Variants in MCCC1 observed in about 807,000 individuals in gnomAD.
The protein encoded by MCCC1 is methylcrotonoyl-CoA carboxylase subunit alpha, mitochondrial.
MCCC1 carries 64 observed loss-of-function variants against 83.8 expected under a neutral mutation model. The ratio of observed to expected loss-of-function variants is 0.76; its 90% CI spans 0.62 to 0.94. The LOEUF is 0.94. MCCC1 is among the 40% of genes least tolerant of loss of function. MCCC1 has a pLI of 0.00. For missense variants in MCCC1, 807 were observed against 904.7 expected, an observed-to-expected ratio of 0.89 and a Z score of 1.39; for synonymous variants, 322 against 315.4, an observed-to-expected ratio of 1.02 and a Z score of -0.22.
rs781286566 is a variant in MCCC1 at position 183,015,444 on chromosome 3, C to T, written c.2172G>A (p.Ser724=). ...FEEEESDKRE[S]E ...GCCATTTCCTTGCTGGAGTTTATTC[C>T]GATTCCCTTTTGTCTGATTCTTCCT... The change falls in exon 19 of 19, where the codon TCG becomes TCA. Residue 724 remains serine, a synonymous_variant. Coordinates refer to ENST00000265594, the MANE Select transcript of MCCC1 (RefSeq NM_020166.5). The T allele has an allele frequency of 2.2e-5, 36 of 1,614,014 alleles. No individual in the cohort carries two copies. Among genetic ancestry groups the T allele is most frequent in the Admixed American group, 1.2e-4 (7 of 59,990 alleles).
At chr3:183,106,844 T>C (rs1355397062) in intron 1 of MCCC1, among the ~76,000 whole-genome samples, 2 of 151,936 alleles carry the variant, frequency 1.3e-5, no homozygotes, top group African/African-American at 4.8e-5. Flanking sequence ...TCTCTCTCCC[T>C]CTCCTCATGC....
chr3:183,094,614 T>C lies in MCCC1; in HGVS notation c.90-9A>G. ...GCCTCCACACCCATGTCCTATAACA[T>C]AAATCCAAAAGGAATTACAATTAAA... On this transcript the variant is annotated splice_polypyrimidine_tract_variant and intron_variant, in intron 1 of 18. Transcript: ENST00000265594. 1 of 1,613,468 alleles carries C rather than the reference T, an allele frequency of 6.2e-7. No individual in the cohort carries two copies. The highest frequency in any genetic ancestry group is 8.5e-7 in the Non-Finnish European group (1 of 1,179,366).
intron 4 of MCCC1, among the ~76,000 whole-genome samples, chr3:183,079,968 G>A (rs1423761875): frequency 1.3e-5 from 2 of 152,148 alleles, no homozygotes; most frequent in Non-Finnish European, 2.9e-5. Context: ...ATCACAGCTG[G>A]AGCAGCTGGG....
chr3:183,053,314 C>A (rs1196069268), intron 8 of MCCC1, among the ~76,000 whole-genome samples: 1 of 151,798 alleles, frequency 6.6e-6, no homozygotes, highest in Non-Finnish European at 1.5e-5. Context: ...CATGGCGAGA[C>A]CCTGTCTCTA....
In MCCC1 at chr3:183,092,547, T is replaced by C. The variant is rs727504006; in HGVS notation, c.137-2A>G. 13 of 1,614,064 alleles carry C rather than the reference T, an allele frequency of 8.1e-6. No individual in the cohort carries two copies. Among genetic ancestry groups the C allele is most frequent in the Non-Finnish European group, 1.1e-5 (13 of 1,180,020 alleles). On this transcript the variant is annotated splice_acceptor_variant, in intron 2 of 18. Transcript: ENST00000265594. LOFTEE classifies it high-confidence loss of function. ...TGAGGACCTTGGTAATGTTTCTTCC[T>C]GTTTAAAACACCATGAAAATCACAC...
At chr3:183,022,628 C>A (rs1423454956) in intron 15 of MCCC1, 74 bp from the exon 16 acceptor site, 9 of 1,264,814 alleles carry the variant, frequency 7.1e-6, no homozygotes, top group African/African-American at 4.5e-5. Context: ...AGAATCAATT[C>A]TTCACTATTG....
In MCCC1 at chr3:183,057,394, G is replaced by A. The variant is rs1715502925; in HGVS notation, c.790C>T (p.His264Tyr). The A allele has an allele frequency of 3.1e-6, 5 of 1,608,982 alleles. No individual in the cohort carries two copies. The highest frequency in any genetic ancestry group is 3.4e-6 in the Non-Finnish European group (4 of 1,177,186). Reference sequence around the variant, plus strand: ...AACAAGTACACAGCATTGCCATGGTGATCACCAAACACCTGGACTTCTACA... The same window carrying A: ...AACAAGTACACAGCATTGCCATGGTAATCACCAAACACCTGGACTTCTACA... ...RHVEVQVFGD[H>Y]HGNAVYLFER... The change falls in exon 8 of 19, where the codon CAC becomes TAC. Residue 264 changes from histidine to tyrosine, a missense_variant. Transcript: ENST00000265594.
At position 183,025,774 on chromosome 3, in the gene MCCC1, T is replaced by C. The variant is rs373270326; in HGVS notation, c.1712A>G (p.Asp571Gly). 6.2e-7 allele frequency: 1 copy of C among 1,613,962 alleles called. No homozygotes were observed. Among genetic ancestry groups the C allele is most frequent in the East Asian group, 2.2e-5 (1 of 44,860 alleles). The change falls in exon 15 of 19, where the codon GAT becomes GGT. Residue 571 changes from aspartate to glycine, a missense_variant. Physicochemically the swap from Asp to Gly is moderately conservative, Grantham distance 94. Transcript: ENST00000265594. ...NVAIAVTYNH[D>G]GSYSMQIEDK... Reference sequence around the variant, plus strand: ...GCTTACCTGCATGCTATAAGACCCATCATGGTTATACGTTACAGCTATGGC... The same window carrying C: ...GCTTACCTGCATGCTATAAGACCCACCATGGTTATACGTTACAGCTATGGC...
chr3:183,104,816 G>T (rs915259485), intron 1 of MCCC1, among the ~76,000 whole-genome samples: 5 of 152,186 alleles, frequency 3.3e-5, no homozygotes, highest in Non-Finnish European at 5.9e-5. Context: ...TTAGTGAGGG[G>T]TGTGGGAATA....
intron 13 of MCCC1, 140 bp downstream of exon 13, chr3:183,037,078 C>A: frequency 1.2e-6 from 1 of 827,028 alleles, no homozygotes; most frequent in Non-Finnish European, 2.0e-6. Context: ...TTCCTTCATA[C>A]TAAAAAACAC....
At chr3:183,067,559 T>G (rs1716347087) in intron 7 of MCCC1, among the ~76,000 whole-genome samples, 2 of 152,226 alleles carry the variant, frequency 1.3e-5, no homozygotes, top group African/African-American at 4.8e-5. Context: ...TGTTATTAAA[T>G]TTTGGTCTCA....
intron 18 of MCCC1, chr3:183,016,957 A>C: frequency 2.4e-6 from 1 of 415,366 alleles, no homozygotes; most frequent in South Asian, 2.3e-5. Context: ...AAACACCAAC[A>C]GTTAACATTC....
intron 4 of MCCC1, among the ~76,000 whole-genome samples, chr3:183,082,405 T>C (rs1717576213): frequency 6.6e-6 from 1 of 152,228 alleles, no homozygotes. Flanking sequence ...CTGAGGGGAC[T>C]GAAGTATAAT....
intron 8 of MCCC1, among the ~76,000 whole-genome samples, chr3:183,055,367 G>A (rs1045732224): frequency 2.0e-5 from 3 of 152,078 alleles, no homozygotes; most frequent in Admixed American, 6.5e-5. Flanking sequence ...CTGAGATCGC[G>A]CCACTGCACT....
At chr3:183,060,452 A>C (rs1389845740) in intron 7 of MCCC1, among the ~76,000 whole-genome samples, 2 of 152,216 alleles carry the variant, frequency 1.3e-5, no homozygotes, top group Non-Finnish European at 2.9e-5. Flanking sequence ...TAAGTATAGG[A>C]AGCAGACAGA....
At chr3:183,044,513 C>T (rs1320975129) in intron 10 of MCCC1, among the ~76,000 whole-genome samples, 3 of 152,148 alleles carry the variant, frequency 2.0e-5, no homozygotes, top group African/African-American at 7.2e-5. Flanking sequence ...GCCATAAATC[C>T]GCACTTTACT....
intron 1 of MCCC1, among the ~76,000 whole-genome samples, chr3:183,110,949 A>G (rs1673059505): frequency 6.6e-6 from 1 of 152,158 alleles, no homozygotes; most frequent in South Asian, 2.1e-4. Context: ...AGATGATTGT[A>G]GGTATGCAGC....
chr3:183,092,605 G>A (rs1355216290), intron 2 of MCCC1, 60 bp from the exon 3 acceptor site: 4 of 1,604,900 alleles, frequency 2.5e-6, no homozygotes, highest in Middle Eastern at 1.6e-4. Context: ...GAATGAGAAT[G>A]AGAATACGAT....
At chr3:183,077,412 C>G (rs1717159286) in intron 4 of MCCC1, among the ~76,000 whole-genome samples, 2 of 152,136 alleles carry the variant, frequency 1.3e-5, no homozygotes, top group African/African-American at 4.8e-5. Flanking sequence ...GTTATCATCT[C>G]TTTTTGATTA....
Sources: gnomAD v4.1 joint callset for allele counts (sites outside exome capture counted in the v4.1 genomes callset) on GRCh38, gnomAD v4.1.1 for gene constraint, MANE v1.5 for transcripts, NCBI Gene and HGNC (gene_info 2026-07-23, HGNC 2026-07-21) for gene names.